The following LRP1B variants were observed in gnomAD, a reference collection of about 807,000 sequenced individuals.
The protein encoded by LRP1B is low-density lipoprotein receptor-related protein 1B.
LRP1B carries 217 observed loss-of-function variants against 556.6 expected under a neutral mutation model. That is an observed-to-expected ratio of 0.39 (90% confidence interval 0.35 to 0.44). The LOEUF (loss-of-function observed/expected upper bound fraction) is 0.44, where lower values mean the gene tolerates loss of function less well. Ranked by LOEUF, LRP1B falls within the 20% of genes least tolerant of loss-of-function variation. The probability of loss-of-function intolerance (pLI) is 1.00; values close to 1 mark genes in which losing one functional copy is unlikely to be tolerated. For synonymous variants in LRP1B, 2,047 were observed against 1,865.8 expected (o/e 1.10, Z -2.50); for missense variants, 5,053 against 5,620.8 (o/e 0.90, Z 3.23).
intron 21 of LRP1B, among the ~76,000 whole-genome samples, chr2:140,913,551 C>A (rs1694486378): frequency 2.0e-5 from 3 of 151,762 alleles, no homozygotes; most frequent in Admixed American, 2.0e-4. Context: ...AATATATACC[C>A]CATGTAAAAT....
chr2:141,950,981 T>G (rs1701090104), intron 1 of LRP1B, among the ~76,000 whole-genome samples: 1 of 152,048 alleles, frequency 6.6e-6, no homozygotes, highest in Non-Finnish European at 1.5e-5. Context: ...GGAGCAGAGG[T>G]TCAATAAACC....
intron 60 of LRP1B, among the ~76,000 whole-genome samples, chr2:140,469,383 T>C (rs945864983): frequency 1.3e-5 from 2 of 152,194 alleles, no homozygotes; most frequent in Non-Finnish European, 2.9e-5. Context: ...ACTGGCACTT[T>C]TATTGATCAT....
At chr2:141,680,549 C>T (rs1017078053) in intron 2 of LRP1B, among the ~76,000 whole-genome samples, 2 of 152,012 alleles carry the variant, frequency 1.3e-5, no homozygotes, top group Non-Finnish European at 2.9e-5. Flanking sequence ...TATAATGCAA[C>T]ATGAAAAGAT....
intron 3 of LRP1B, among the ~76,000 whole-genome samples, chr2:141,291,208 T>C (rs1685933800): frequency 6.6e-6 from 1 of 152,210 alleles, no homozygotes; most frequent in African/African-American, 2.4e-5. Context: ...GGATTAATTT[T>C]ATTAGTGTAA....
intron 3 of LRP1B, among the ~76,000 whole-genome samples, chr2:141,385,516 G>A (rs1253804240): frequency 6.6e-6 from 1 of 152,068 alleles, no homozygotes; most frequent in Non-Finnish European, 1.5e-5. Flanking sequence ...ATGAAAATAT[G>A]TAATGGGTTT....
chr2:140,535,741 T>G (rs1690924841), intron 46 of LRP1B, among the ~76,000 whole-genome samples: 1 of 152,100 alleles, frequency 6.6e-6, no homozygotes, highest in Non-Finnish European at 1.5e-5. Flanking sequence ...AAGACATATT[T>G]CCAGGAAAAA....
chr2:141,051,999 A>T (rs140129772), intron 10 of LRP1B, among the ~76,000 whole-genome samples: 11 of 152,074 alleles, frequency 7.2e-5, no homozygotes, highest in Non-Finnish European at 1.6e-4. Context: ...ATTATTGTCT[A>T]TGTTGAACCA....
At chr2:140,596,962 A>C (rs1682466602) in intron 43 of LRP1B, among the ~76,000 whole-genome samples, 4 of 152,210 alleles carry the variant, frequency 2.6e-5, no homozygotes, top group Admixed American at 2.6e-4. Context: ...TACAGTCTGA[A>C]GTCTTAATAA....
At chr2:140,367,946 A>G (rs1402438139) in intron 71 of LRP1B, among the ~76,000 whole-genome samples, 1 of 151,794 alleles carries the variant, frequency 6.6e-6, no homozygotes, top group Non-Finnish European at 1.5e-5. Context: ...TCTCCACATG[A>G]GTGTTGGATA....
At chr2:140,514,570 T>C in intron 51 of LRP1B, 83 bp downstream of exon 51, 2 of 1,306,650 alleles carry the variant, frequency 1.5e-6, no homozygotes, top group Non-Finnish European at 2.0e-6. Context: ...TTTAATAAAT[T>C]AGCAAATTTT....
chr2:141,941,342 G>T (rs1212626352), intron 1 of LRP1B, among the ~76,000 whole-genome samples: 1 of 152,174 alleles, frequency 6.6e-6, no homozygotes, highest in Non-Finnish European at 1.5e-5. Context: ...GCCACTCTTT[G>T]CTTGATGGTG....
chr2:140,238,351 G>A (rs1573666550), intron 88 of LRP1B, 55 bp from the exon 89 acceptor site: 2 of 865,016 alleles, frequency 2.3e-6, no homozygotes, highest in Non-Finnish European at 1.8e-6. Flanking sequence ...CACAATCAAG[G>A]CATATGAAAT....
chr2:141,372,330 T>G (rs894237310), intron 3 of LRP1B, among the ~76,000 whole-genome samples: 2 of 152,104 alleles, frequency 1.3e-5, no homozygotes, highest in African/African-American at 4.8e-5. Context: ...TCGGAGATAT[T>G]GGTCTATGAT....
At chr2:141,750,059 A>C (rs1694054229) in intron 2 of LRP1B, among the ~76,000 whole-genome samples, 1 of 152,140 alleles carries the variant, frequency 6.6e-6, no homozygotes, top group Non-Finnish European at 1.5e-5. Flanking sequence ...CAGTGAGGGG[A>C]TGATAATGTC....
chr2:140,293,719 C>T (rs1325670969), intron 84 of LRP1B, among the ~76,000 whole-genome samples: 1 of 151,976 alleles, frequency 6.6e-6, no homozygotes, highest in Non-Finnish European at 1.5e-5. Flanking sequence ...TTTTTGTCAG[C>T]TGTTGAATTT....
chr2:141,951,310 G>A (rs1415191277), intron 1 of LRP1B, among the ~76,000 whole-genome samples: 3 of 151,982 alleles, frequency 2.0e-5, no homozygotes, highest in Admixed American at 6.6e-5. Flanking sequence ...ACACTGTACC[G>A]AATAGTCTCT....
Position 140,867,732 on chromosome 2 carries a change from C to T in LRP1B, c.4437G>A (p.Gly1479=), listed in dbSNP as rs759683844. The T allele has an allele frequency of 1.2e-6, 2 of 1,612,500 alleles. No individual in the cohort carries two copies. The highest frequency in any genetic ancestry group is 1.3e-5 in the African/African-American group (1 of 74,870). The change falls in exon 27 of 91, where the codon GGG becomes GGA. Residue 1479 remains glycine, a synonymous_variant. Coordinates refer to ENST00000389484, the MANE Select transcript of LRP1B (RefSeq NM_018557.3). ...TCCAGTCTGTCCAGTAGACTTCACT[C>T]CCATATAGAGACACAGCAAAGGGAT... ...LSHPFAVSLY[G]SEVYWTDWRT...
In LRP1B at chr2:141,005,324, A is replaced by G. The variant is rs2105373549; in HGVS notation, c.2503+11T>C. The G allele has an allele frequency of 6.2e-7, 1 of 1,607,886 alleles. No homozygotes were observed. The highest frequency in any genetic ancestry group is 8.5e-7 in the Non-Finnish European group (1 of 1,176,066). ...CGATAAACAAATAAGGGTAACTTGA[A>G]AAGAACTTACATGTGCAAGTTGTCC... On this transcript the variant is annotated intron_variant, in intron 15 of 90. Transcript: ENST00000389484.
At chr2:141,032,826 C>CATACATACATAT in intron 11 of LRP1B, among the ~76,000 whole-genome samples, 18 of 126,640 alleles carry the variant, frequency 1.4e-4, no homozygotes, top group East Asian at 5.0e-4. Flanking sequence ...TATATACATA[C>CATACATACATAT]ATATATATAT....
Sources: gnomAD v4.1 joint callset for allele counts (sites outside exome capture counted in the v4.1 genomes callset) on GRCh38, gnomAD v4.1.1 for gene constraint, MANE v1.5 for transcripts, NCBI Gene and HGNC (gene_info 2026-07-23, HGNC 2026-07-21) for gene names.